Variants in COL21A1 observed in about 807,000 individuals in gnomAD.
The protein encoded by COL21A1 is collagen type XXI alpha 1 chain.
COL21A1 carries 149 observed loss-of-function variants against 137.9 expected under a neutral mutation model. The ratio of observed to expected loss-of-function variants is 1.08; its 90% confidence interval spans 0.95 to 1.24. The LOEUF (loss-of-function observed/expected upper bound fraction) is 1.24. Ranked by LOEUF, COL21A1 falls within the 50% of genes most tolerant of loss-of-function variation. The pLI, the probability that COL21A1 is intolerant of heterozygous loss-of-function variation, is 0.00. For missense variants in COL21A1, 1,167 were observed against 1,158.4 expected, an observed-to-expected ratio of 1.01 and a Z score of -0.11; for synonymous variants, 456 against 391.5, an observed-to-expected ratio of 1.16 and a Z score of -1.95.
At chr6:56,288,634 AC>A (rs1480828715) in intron 1 of COL21A1, among the ~76,000 whole-genome samples, 1 of 152,172 alleles carries the variant, frequency 6.6e-6, no homozygotes, top group African/African-American at 2.4e-5. Flanking sequence ...GCTTATGATC[AC>A]CTGTCACTCA....
At chr6:56,338,125 A>G (rs1225157787) in intron 1 of COL21A1, among the ~76,000 whole-genome samples, 1 of 151,210 alleles carries the variant, frequency 6.6e-6, no homozygotes, top group Non-Finnish European at 1.5e-5. Flanking sequence ...ACCATGCTTG[A>G]CTAATTTTTG....
At chr6:56,311,858 A>G (rs1305851487) in intron 1 of COL21A1, among the ~76,000 whole-genome samples, 1 of 152,224 alleles carries the variant, frequency 6.6e-6, no homozygotes, top group Admixed American at 6.5e-5. Flanking sequence ...ATGTTAGCAC[A>G]AAGGGGAAAC....
Position 56,381,923 on chromosome 6 carries a change from G to A in COL21A1, c.-39+12048C>T, listed in dbSNP as rs150164542. On this transcript the variant is annotated intron_variant, in intron 1 of 28. Coordinates refer to the COL21A1 transcript ENST00000370819. ...CAACACTCTTGCACAATGCCACCAC[G>A]CAAAAGCCTCTCCTTACCCACAATC... Among the ~76,000 whole-genome samples, 1,380 of 152,192 alleles carry A rather than the reference G, an allele frequency of 9.1e-3. 13 individuals carry two copies. Among genetic ancestry groups the A allele is most frequent in the Middle Eastern group, 0.031 (9 of 292 alleles).
At chr6:56,301,291 A>G (rs1764273180) in intron 1 of COL21A1, among the ~76,000 whole-genome samples, 1 of 152,158 alleles carries the variant, frequency 6.6e-6, no homozygotes, top group Admixed American at 6.6e-5. Context: ...AGTTAGAAAG[A>G]AATTTGAAGA....
At chr6:56,246,004 A>C (rs1433118328) in intron 1 of COL21A1, among the ~76,000 whole-genome samples, 1 of 152,208 alleles carries the variant, frequency 6.6e-6, no homozygotes, top group Non-Finnish European at 1.5e-5. Flanking sequence ...TTTCTAATCC[A>C]TTTAAGCCCA....
At chr6:56,065,062 T>G (rs866050347) in intron 23 of COL21A1, among the ~76,000 whole-genome samples, 41 of 150,532 alleles carry the variant, frequency 2.7e-4, no homozygotes, top group African/African-American at 9.3e-4. Flanking sequence ...TGTCACATTT[T>G]AGTAAAAAAA....
At chr6:56,236,141 T>C (rs1433558277) in intron 1 of COL21A1, among the ~76,000 whole-genome samples, 1 of 151,734 alleles carries the variant, frequency 6.6e-6, no homozygotes, top group African/African-American at 2.4e-5. Context: ...CTGACAAGAG[T>C]GGAGATATAA....
Position 56,074,940 on chromosome 6 carries a change from A to G in COL21A1, c.1911+539T>C, listed in dbSNP as rs1767080711. On this transcript the variant is annotated intron_variant, in intron 19 of 29. Transcript: ENST00000244728. The stretch of plus-strand genomic sequence containing the variant: ...ACCTATAACAGACAATTTGATTCAT[A>G]TATTAAAATCAACATCACTTCTAGC... Among the ~76,000 whole-genome samples, 4 of 150,730 alleles carry G rather than the reference A, an allele frequency of 2.7e-5. No individual in the cohort carries two copies. The Admixed American group carries it at 2.7e-4, about 10-fold the overall frequency.
intron 1 of COL21A1, among the ~76,000 whole-genome samples, chr6:56,281,157 T>A (rs567523706): frequency 6.6e-6 from 1 of 152,168 alleles, no homozygotes; most frequent in Admixed American, 6.5e-5. Flanking sequence ...GTATTCCTAT[T>A]CCTAATTCCT....
chr6:56,163,834 T>C (rs62413551), intron 9 of COL21A1, among the ~76,000 whole-genome samples: 2,036 of 152,268 alleles, frequency 0.013, 22 homozygotes, highest in Non-Finnish European at 0.019. Context: ...AAAATGTATA[T>C]GTACATTTGT....
At position 56,222,957 on chromosome 6, in the gene COL21A1, A is replaced by T. The variant is rs940589325; in HGVS notation, c.-39+24430T>A. On this transcript the variant is annotated intron_variant, in intron 1 of 29. Coordinates refer to ENST00000244728, the MANE Select transcript of COL21A1 (RefSeq NM_030820.4). ...ATTTTTTGCTCTCATACCAGTGAGT[A>T]TCATGTGACTCAATCAGTATTTTTT... 5.3e-5 allele frequency among the ~76,000 whole-genome samples: 8 copies of T among 151,972 alleles called. No homozygotes were observed. In the South Asian group the frequency reaches 8.3e-4, roughly 16 times the overall value.
chr6:56,348,390 C>T (rs1765639855), intron 1 of COL21A1, among the ~76,000 whole-genome samples: 1 of 152,152 alleles, frequency 6.6e-6, no homozygotes, highest in Non-Finnish European at 1.5e-5. Context: ...TCACTTTCTC[C>T]ATTACCCCAA....
intron 1 of COL21A1, among the ~76,000 whole-genome samples, chr6:56,220,693 T>C (rs928500823): frequency 1.3e-5 from 2 of 152,178 alleles, no homozygotes; most frequent in African/African-American, 4.8e-5. Flanking sequence ...TAGACAGTTC[T>C]AATTGCTACA....
chr6:56,212,863 T>A (rs1367903522), intron 1 of COL21A1, among the ~76,000 whole-genome samples: 1 of 152,050 alleles, frequency 6.6e-6, no homozygotes, highest in Non-Finnish European at 1.5e-5. Flanking sequence ...ATACTCAAAA[T>A]TCTTATAATT....
At chr6:56,380,843 G>C (rs1003236666) in intron 1 of COL21A1, among the ~76,000 whole-genome samples, 4 of 152,136 alleles carry the variant, frequency 2.6e-5, no homozygotes, top group African/African-American at 7.2e-5. Context: ...CTTCTTTAAT[G>C]CATGAGTTAT....
At chr6:56,100,996 G>A (rs1256901340) in intron 17 of COL21A1, among the ~76,000 whole-genome samples, 2 of 152,110 alleles carry the variant, frequency 1.3e-5, no homozygotes, top group Non-Finnish European at 2.9e-5. Flanking sequence ...AAAATGTGGG[G>A]GCAAACTATA....
chr6:56,169,185 T>A (rs984938150), intron 5 of COL21A1, among the ~76,000 whole-genome samples: 2 of 151,982 alleles, frequency 1.3e-5, no homozygotes, highest in African/African-American at 2.4e-5. Context: ...CTCATGGAAC[T>A]CTTGTTTTAC....
intron 1 of COL21A1, among the ~76,000 whole-genome samples, chr6:56,300,040 A>G (rs1764244668): frequency 1.3e-5 from 2 of 152,124 alleles, no homozygotes; most frequent in Admixed American, 1.3e-4. Context: ...TGTTTTCTAT[A>G]TTTAGTTGTT....
At chr6:56,168,347 T>G in intron 5 of COL21A1, 50 bp from the exon 6 acceptor site, 2 of 1,394,406 alleles carry the variant, frequency 1.4e-6, no homozygotes, top group African/African-American at 2.9e-5. Context: ...CTAACAATAT[T>G]TTATTTTCTT....
Sources: gnomAD v4.1 joint callset for allele counts (sites outside exome capture counted in the v4.1 genomes callset) on GRCh38, gnomAD v4.1.1 for gene constraint, MANE v1.5 for transcripts, NCBI Gene and HGNC (gene_info 2026-07-23, HGNC 2026-07-21) for gene names.